The following NECAB1 variants were observed in gnomAD, a reference collection of about 807,000 sequenced individuals.
The protein encoded by NECAB1 is N-terminal EF-hand calcium binding protein 1.
NECAB1 carries 29 observed loss-of-function variants against 57.5 expected under a neutral mutation model. The ratio of observed to expected loss-of-function variants is 0.50; its 90% CI spans 0.38 to 0.69. NECAB1 has a LOEUF of 0.69. Ranked by LOEUF, NECAB1 falls within the 30% of genes least tolerant of loss-of-function variation. The pLI, the probability that NECAB1 is intolerant of heterozygous loss-of-function variation, is 0.00. For missense variants in NECAB1, 372 were observed against 413.8 expected, an observed-to-expected ratio of 0.90 and a Z score of 0.88; for synonymous variants, 142 against 147.7, an observed-to-expected ratio of 0.96 and a Z score of 0.28.
intron 6 of NECAB1, among the ~76,000 whole-genome samples, chr8:90,919,084 T>C (rs980374917): frequency 6.6e-6 from 1 of 152,206 alleles, no homozygotes; most frequent in East Asian, 1.9e-4. Flanking sequence ...AGTAGTCATA[T>C]TGCAATAGCT....
At chr8:90,884,298 T>A (rs1048765518) in intron 5 of NECAB1, among the ~76,000 whole-genome samples, 1 of 152,180 alleles carries the variant, frequency 6.6e-6, no homozygotes, top group Admixed American at 6.5e-5. Context: ...CATCTACAGA[T>A]CCCTTTATCT....
chr8:90,841,060 A>G (rs1416229688), intron 3 of NECAB1, among the ~76,000 whole-genome samples: 1 of 151,694 alleles, frequency 6.6e-6, no homozygotes, highest in African/African-American at 2.4e-5. Flanking sequence ...GATCGAAAGC[A>G]TCCTGGCTAA....
At position 90,947,321 on chromosome 8, in the gene NECAB1, C is replaced by T. The variant is rs1474269077; in HGVS notation, c.861-2486C>T. 1.8e-3 allele frequency among the ~76,000 whole-genome samples: 265 copies of T among 148,190 alleles called. 6 individuals are homozygous for T. The highest frequency in any genetic ancestry group is 6.0e-3 in the African/African-American group (240 of 40,056). On this transcript the variant is annotated intron_variant, in intron 10 of 12. Transcript: ENST00000417640. ...CAACACATACACACACACACACACA[C>T]ACACACACACACACACACACACACA...
rs776466997 is a variant in NECAB1 at position 90,955,458 on chromosome 8, T to A, written c.1031-29T>A. The A allele has an allele frequency of 5.3e-6, 8 of 1,518,068 alleles. No homozygotes were observed. In the Admixed American group the frequency reaches 6.0e-5, roughly 11 times the overall value. The allele number at this position is 1,518,068 out of a possible 1,614,324, so 94.0% of individuals were successfully genotyped here. ...TCTTTGCCCTATAAGTTATTTTCAT[T>A]ATTTTAGAAAACATTTTTCTCTTTT... On this transcript the variant is annotated intron_variant, in intron 12 of 12. Transcript: ENST00000417640.
chr8:90,907,151 TGAGAGAGAGAGAGAGAGA>T (rs71266152), intron 5 of NECAB1, among the ~76,000 whole-genome samples: 2 of 102,094 alleles, frequency 2.0e-5, no homozygotes, highest in Admixed American at 1.1e-4. Context: ...TGTGTGTGTG[TGAGAGAGAGAGAGAGAGA>T]GAGAGAGAGA....
At chr8:90,894,037 T>A (rs1586095681) in intron 5 of NECAB1, among the ~76,000 whole-genome samples, 1 of 152,244 alleles carries the variant, frequency 6.6e-6, no homozygotes. Context: ...CATAGGTGAG[T>A]AATATTTTTA....
intron 2 of NECAB1, among the ~76,000 whole-genome samples, chr8:90,817,238 A>C (rs1812073822): frequency 6.6e-6 from 1 of 151,664 alleles, no homozygotes; most frequent in East Asian, 1.9e-4. Context: ...TTCTACATTG[A>C]TAATTATGTC....
intron 4 of NECAB1, among the ~76,000 whole-genome samples, chr8:90,875,928 T>A (rs1474224107): frequency 6.6e-6 from 1 of 151,324 alleles, no homozygotes; most frequent in African/African-American, 2.4e-5. Context: ...GAGAATGGCG[T>A]GAACCCGGGA....
At chr8:90,955,383 C>A in intron 12 of NECAB1, 104 bp from the exon 13 acceptor site, 1 of 805,008 alleles carries the variant, frequency 1.2e-6, no homozygotes, top group Non-Finnish European at 2.0e-6. Flanking sequence ...ATTATGCAGA[C>A]TAAAGGTAAG....
At chr8:90,951,764 A>AG (rs966326214) in intron 12 of NECAB1, among the ~76,000 whole-genome samples, 5 of 98,196 alleles carry the variant, frequency 5.1e-5, no homozygotes, top group Non-Finnish European at 8.8e-5. Flanking sequence ...AAATTTTAGC[A>AG]GAAAAAAAAA....
rs577951495 is a variant in NECAB1, at chr8:90,922,486, A to ATTTTTTTTTTTTT, written c.495-3037_495-3025dup. 3.8e-4 allele frequency among the ~76,000 whole-genome samples: 22 copies of ATTTTTTTTTTTTT among 57,508 alleles called. 2 individuals carry two copies. Among genetic ancestry groups the ATTTTTTTTTTTTT allele is most frequent in the African/African-American group, 2.4e-4 (4 of 16,884 alleles). The allele number at this position is 57,508 out of a possible 152,430, so 37.7% of individuals were successfully genotyped here. ...ACCACCAAAGCTGCCAAAAACTTGGATTTTTTTTTTTTTTTTTTTTTTTTG... is the reference window on the plus strand; with the variant it reads ...ACCACCAAAGCTGCCAAAAACTTGGATTTTTTTTTTTTTTTTTTTTTTTTTTTTTTTTTTTTTG... On this transcript the variant is annotated intron_variant, in intron 6 of 12. Transcript: ENST00000417640.
At chr8:90,876,004 T>C (rs1009044087) in intron 4 of NECAB1, among the ~76,000 whole-genome samples, 1 of 151,928 alleles carries the variant, frequency 6.6e-6, no homozygotes, top group African/African-American at 2.4e-5. Flanking sequence ...AGCAAGACTC[T>C]GTCTCAAAAA....
At chr8:90,822,603 C>A (rs1294783627) in intron 2 of NECAB1, among the ~76,000 whole-genome samples, 3 of 151,716 alleles carry the variant, frequency 2.0e-5, no homozygotes, top group Non-Finnish European at 4.4e-5. Flanking sequence ...TTAATCGATG[C>A]TTTTATTTGA....
chr8:90,828,464 A>G (rs1429800153), intron 3 of NECAB1, among the ~76,000 whole-genome samples: 4 of 152,020 alleles, frequency 2.6e-5, no homozygotes, highest in African/African-American at 7.2e-5. Flanking sequence ...GCTCAGTATA[A>G]TCTCACTCTA....
chr8:90,809,124 A>T (rs1811909030), intron 2 of NECAB1, among the ~76,000 whole-genome samples: 1 of 152,042 alleles, frequency 6.6e-6, no homozygotes, highest in African/African-American at 2.4e-5. Context: ...TTGTTTGCAA[A>T]CCAATAATCC....
intron 10 of NECAB1, among the ~76,000 whole-genome samples, chr8:90,947,543 G>A (rs1337119695): frequency 2.6e-5 from 4 of 151,942 alleles, no homozygotes; most frequent in African/African-American, 9.7e-5. Flanking sequence ...TGAGATTACA[G>A]GCACATGCCA....
chr8:90,946,935 T>A (rs1417218319), intron 10 of NECAB1, among the ~76,000 whole-genome samples: 1 of 152,128 alleles, frequency 6.6e-6, no homozygotes, highest in African/African-American at 2.4e-5. Context: ...GGCAGAGTCA[T>A]GTTAGTAAGA....
chr8:90,939,196 CA>C (rs1316962216), intron 9 of NECAB1, among the ~76,000 whole-genome samples: 1 of 152,208 alleles, frequency 6.6e-6, no homozygotes, highest in East Asian at 1.9e-4. Context: ...ACTTACTACC[CA>C]TCCATTTACA....
At chr8:90,818,517 T>C (rs1048737024) in intron 2 of NECAB1, among the ~76,000 whole-genome samples, 3 of 152,036 alleles carry the variant, frequency 2.0e-5, no homozygotes, top group Non-Finnish European at 2.9e-5. Context: ...TTGTGATGTT[T>C]TCTTTCAATA....
Sources: gnomAD v4.1 joint callset for allele counts (sites outside exome capture counted in the v4.1 genomes callset) on GRCh38, gnomAD v4.1.1 for gene constraint, MANE v1.5 for transcripts, NCBI Gene and HGNC (gene_info 2026-07-23, HGNC 2026-07-21) for gene names.